The following NRXN1 variants were observed in gnomAD, a reference collection of about 807,000 sequenced individuals.
The protein encoded by NRXN1 is neurexin 1, also known as neurexin-1.
NRXN1 carries 39 observed loss-of-function variants against 150.9 expected under a neutral mutation model. That is an observed-to-expected ratio of 0.26 (90% CI 0.20 to 0.34). The LOEUF (loss-of-function observed/expected upper bound fraction) is 0.34. Ranked by LOEUF, NRXN1 falls within the 10% of genes least tolerant of loss-of-function variation. NRXN1 has a pLI of 1.00. For synonymous variants in NRXN1, 924 were observed against 757.0 expected (o/e 1.22, Z -3.62); for missense variants, 1,815 against 1,949.9 (o/e 0.93, Z 1.30).
chr2:50,317,993 TTAAC>T (rs1261858759), intron 17 of NRXN1, among the ~76,000 whole-genome samples: 1 of 151,998 alleles, frequency 6.6e-6, no homozygotes, highest in African/African-American at 2.4e-5. Flanking sequence ...TACTGATAAT[TTAAC>T]TATATCAAAT....
intron 18 of NRXN1, among the ~76,000 whole-genome samples, chr2:50,172,438 A>G (rs2060089113): frequency 6.6e-6 from 1 of 152,150 alleles, no homozygotes; most frequent in African/African-American, 2.4e-5. Context: ...AAGTCCTAAC[A>G]TCACTCTATG....
intron 19 of NRXN1, among the ~76,000 whole-genome samples, chr2:50,069,385 T>G (rs1435073519): frequency 6.6e-6 from 1 of 152,200 alleles, no homozygotes; most frequent in Non-Finnish European, 1.5e-5. Context: ...AGGTATCAGA[T>G]GGTGTTGTTG....
At chr2:50,028,545 G>A (rs554302604) in intron 21 of NRXN1, among the ~76,000 whole-genome samples, 1 of 152,156 alleles carries the variant, frequency 6.6e-6, no homozygotes, top group African/African-American at 2.4e-5. Context: ...ATTAAAACAA[G>A]GGAGTCTTAC....
chr2:50,589,912 T>G (rs917648252), intron 8 of NRXN1, among the ~76,000 whole-genome samples: 1 of 152,184 alleles, frequency 6.6e-6, no homozygotes, highest in Non-Finnish European at 1.5e-5. Context: ...AAGCACCACA[T>G]GAAGTCAGAA....
At chr2:50,312,419 G>C (rs117129288) in intron 17 of NRXN1, among the ~76,000 whole-genome samples, 1 of 151,300 alleles carries the variant, frequency 6.6e-6, no homozygotes, top group Non-Finnish European at 1.5e-5. Context: ...GCTGTTCTTT[G>C]TGGGTTTTTT....
At chr2:50,757,029 T>C (rs1211154396) in intron 5 of NRXN1, among the ~76,000 whole-genome samples, 1 of 151,908 alleles carries the variant, frequency 6.6e-6, no homozygotes, top group Non-Finnish European at 1.5e-5. Context: ...AAACGTGCTT[T>C]GTTTTTAAAT....
chr2:50,798,479 T>C (rs1403130259), intron 5 of NRXN1, among the ~76,000 whole-genome samples: 1 of 152,178 alleles, frequency 6.6e-6, no homozygotes, highest in Non-Finnish European at 1.5e-5. Flanking sequence ...GGACACATTT[T>C]CTGAACCACC....
chr2:50,058,128 A>G (rs1016511369), intron 19 of NRXN1, among the ~76,000 whole-genome samples: 2 of 152,222 alleles, frequency 1.3e-5, no homozygotes, highest in African/African-American at 4.8e-5. Context: ...TAATAAAATA[A>G]TTGTGTGATT....
intron 18 of NRXN1, among the ~76,000 whole-genome samples, chr2:50,193,157 A>G (rs2061550910): frequency 6.6e-6 from 1 of 152,136 alleles, no homozygotes; most frequent in Non-Finnish European, 1.5e-5. Flanking sequence ...CACTTTAATT[A>G]TTTTCATAAA....
intron 17 of NRXN1, among the ~76,000 whole-genome samples, chr2:50,399,651 T>A (rs2082267691): frequency 6.6e-6 from 1 of 151,744 alleles, no homozygotes; most frequent in Non-Finnish European, 1.5e-5. Context: ...AGTAAGCAGG[T>A]TCGTGTGGCT....
intron 18 of NRXN1, among the ~76,000 whole-genome samples, chr2:50,178,250 T>C (rs989391827): frequency 3.3e-5 from 5 of 151,984 alleles, no homozygotes; most frequent in Admixed American, 6.6e-5. Context: ...CAGCAACAGA[T>C]TGGCTGGATG....
At chr2:50,679,610 C>T (rs1690068497) in intron 5 of NRXN1, among the ~76,000 whole-genome samples, 1 of 151,910 alleles carries the variant, frequency 6.6e-6, no homozygotes, top group African/African-American at 2.4e-5. Flanking sequence ...CAGTAAGACC[C>T]TGCAAAATAA....
chr2:50,069,827 G>C (rs1459503828), intron 19 of NRXN1, among the ~76,000 whole-genome samples: 1 of 145,428 alleles, frequency 6.9e-6, no homozygotes, highest in East Asian at 2.1e-4. Flanking sequence ...ACATAGGTTA[G>C]ATTTCAGGAG....
chr2:50,429,287 T>A (rs2084756695), intron 17 of NRXN1, among the ~76,000 whole-genome samples: 1 of 152,122 alleles, frequency 6.6e-6, no homozygotes. Context: ...GACGGAGTCC[T>A]ACTCTGTCAC....
intron 5 of NRXN1, among the ~76,000 whole-genome samples, chr2:50,864,258 G>A (rs776058042): frequency 6.6e-6 from 1 of 151,926 alleles, no homozygotes; most frequent in Non-Finnish European, 1.5e-5. Flanking sequence ...GTATACAGTG[G>A]TAAGCAAAAT....
chr2:50,628,556 T>C (rs1681619213), intron 5 of NRXN1, among the ~76,000 whole-genome samples: 1 of 151,750 alleles, frequency 6.6e-6, no homozygotes, highest in African/African-American at 2.4e-5. Flanking sequence ...CATCTAATCA[T>C]TTGCTACCTT....
intron 12 of NRXN1, among the ~76,000 whole-genome samples, chr2:50,513,343 A>G (rs1036247896): frequency 6.6e-6 from 1 of 152,198 alleles, no homozygotes; most frequent in African/African-American, 2.4e-5. Flanking sequence ...TGAAAGAAAC[A>G]TCCACAATTT....
chr2:50,783,581 C>G (rs1376796898), intron 5 of NRXN1, among the ~76,000 whole-genome samples: 1 of 152,120 alleles, frequency 6.6e-6, no homozygotes, highest in East Asian at 1.9e-4. Flanking sequence ...TGGAAAAGAA[C>G]AGTACAATTT....
intron 5 of NRXN1, among the ~76,000 whole-genome samples, chr2:50,658,893 C>A (rs1460299151): frequency 1.3e-5 from 2 of 152,032 alleles, no homozygotes; most frequent in Admixed American, 6.6e-5. Flanking sequence ...TACTCTCCAG[C>A]CCACATCACA....
Sources: gnomAD v4.1 joint callset for allele counts (sites outside exome capture counted in the v4.1 genomes callset) on GRCh38, gnomAD v4.1.1 for gene constraint, MANE v1.5 for transcripts, NCBI Gene and HGNC (gene_info 2026-07-23, HGNC 2026-07-21) for gene names.